Variants in NFIL3 observed in about 807,000 individuals in gnomAD.
NFIL3 encodes the protein nuclear factor, interleukin 3 regulated, also known as nuclear factor interleukin-3-regulated protein.
In NFIL3, 5 loss-of-function variants were observed where a neutral mutation model predicts 10.0. The ratio of observed to expected loss-of-function variants is 0.50; its 90% CI spans 0.26 to 1.06. The LOEUF (loss-of-function observed/expected upper bound fraction) is 1.06. NFIL3 is among the 50% of genes least tolerant of loss of function. The pLI is 0.13. For missense variants in NFIL3, 436 were observed against 547.6 expected (o/e 0.80, Z 2.03); for synonymous variants, 202 against 206.5 (o/e 0.98, Z 0.19).
chr9:91,456,791 C>T, the NFIL3 span, among the ~76,000 whole-genome samples: 34 of 152,032 alleles, frequency 2.2e-4, no homozygotes, highest in Non-Finnish European at 3.7e-4. Context: ...ACAAGGTTTT[C>T]TCCTCTACTT....
At chr9:91,461,625 G>T in the NFIL3 span, among the ~76,000 whole-genome samples, 1 of 152,126 alleles carries the variant, frequency 6.6e-6, no homozygotes, top group Admixed American at 6.6e-5. Flanking sequence ...GGCTTTCTTG[G>T]CTTATGGCCG....
chr9:91,459,253 T>A, the NFIL3 span, among the ~76,000 whole-genome samples: 4 of 152,034 alleles, frequency 2.6e-5, no homozygotes, highest in South Asian at 8.3e-4. Flanking sequence ...GCTCCCTTAA[T>A]TGAGTATGCC....
chr9:91,478,267 C>G, the NFIL3 span, among the ~76,000 whole-genome samples: 132 of 152,190 alleles, frequency 8.7e-4, no homozygotes, highest in African/African-American at 3.0e-3. Context: ...TCCATTCTCC[C>G]CGTCACTTTT....
intron 1 of NFIL3, among the ~76,000 whole-genome samples, chr9:91,412,740 A>T (rs1364347969): frequency 1.1e-4 from 17 of 151,506 alleles, no homozygotes; most frequent in Admixed American, 1.1e-3. Flanking sequence ...GCTACTCGGG[A>T]GGCTGAGGCA....
chr9:91,455,251 A>G, the NFIL3 span, among the ~76,000 whole-genome samples: 1 of 152,170 alleles, frequency 6.6e-6, no homozygotes, highest in Non-Finnish European at 1.5e-5. Flanking sequence ...TTGCTCACCA[A>G]TTTTAGCACC....
chr9:91,471,933 T>C, the NFIL3 span, among the ~76,000 whole-genome samples: 1 of 152,224 alleles, frequency 6.6e-6, no homozygotes, highest in Admixed American at 6.5e-5. Context: ...TGCTTGTCTG[T>C]AACAGATTTT....
the NFIL3 span, among the ~76,000 whole-genome samples, chr9:91,448,317 T>C: frequency 6.6e-6 from 1 of 152,310 alleles, no homozygotes; most frequent in Non-Finnish European, 1.5e-5. Flanking sequence ...CAGTTACATT[T>C]GATGAGGACT....
rs1365396878 is a variant in NFIL3, at chr9:91,410,030, G to A, written c.705C>T (p.Asp235=). The change falls in exon 2 of 2, where the codon GAC becomes GAT. Residue 235 remains aspartate (D), a synonymous_variant. Coordinates refer to ENST00000297689, the MANE Select transcript of NFIL3 (RefSeq NM_005384.3). This position sits in a 1 kb window ranked among gnomAD's most constrained non-coding sequence, Gnocchi z 5.7. ...LESYTREPRD[D]RGSYTASIYQ... is the part of the protein sequence containing the mutation. Reference sequence around the variant, plus strand: ...AGATGGACGCTGTGTAAGAGCCTCGGTCATCTCTTGGCTCCCTTGTGTAGC... The same window carrying A: ...AGATGGACGCTGTGTAAGAGCCTCGATCATCTCTTGGCTCCCTTGTGTAGC... 6 of 1,612,712 alleles carry A rather than the reference G, an allele frequency of 3.7e-6. No individual in the cohort carries two copies. In the South Asian group the frequency reaches 5.5e-5, roughly 15 times the overall value.
At chr9:91,465,691 A>G in the NFIL3 span, among the ~76,000 whole-genome samples, 1 of 151,770 alleles carries the variant, frequency 6.6e-6, no homozygotes, top group Non-Finnish European at 1.5e-5. Flanking sequence ...GGAATGCTTG[A>G]CGTGCTATAT....
chr9:91,469,423 G>T, the NFIL3 span, among the ~76,000 whole-genome samples: 3 of 152,070 alleles, frequency 2.0e-5, no homozygotes, highest in African/African-American at 4.8e-5. Flanking sequence ...GCTTAAGGAG[G>T]TTTTGGGCTG....
At chr9:91,427,446 T>C (rs1192310548), upstream of NFIL3, among the ~76,000 whole-genome samples, 1 of 152,124 alleles carries the variant, frequency 6.6e-6, no homozygotes, top group Admixed American at 6.5e-5. Context: ...CTTCGATAAC[T>C]AAAAGCCCTT....
upstream of NFIL3, among the ~76,000 whole-genome samples, chr9:91,424,239 C>G (rs1385178795): frequency 6.6e-6 from 1 of 152,084 alleles, no homozygotes; most frequent in Non-Finnish European, 1.5e-5. Context: ...CGCGGTGGCT[C>G]TGCGCTCCCC....
the NFIL3 span, among the ~76,000 whole-genome samples, chr9:91,445,863 A>G: frequency 6.6e-6 from 1 of 152,110 alleles, no homozygotes; most frequent in East Asian, 1.9e-4. Context: ...GCTCAGGGGT[A>G]GGTTGTAGTA....
chr9:91,456,905 C>T, the NFIL3 span, among the ~76,000 whole-genome samples: 7 of 151,892 alleles, frequency 4.6e-5, no homozygotes, highest in African/African-American at 1.7e-4. Flanking sequence ...CTTTTTGGTT[C>T]ACTTTTTTGG....
chr9:91,418,681 C>T (rs1294417329), intron 1 of NFIL3, among the ~76,000 whole-genome samples: 3 of 152,140 alleles, frequency 2.0e-5, no homozygotes, highest in African/African-American at 7.2e-5. Flanking sequence ...TAATAAAAGA[C>T]ATCATGTTCT....
chr9:91,450,096 G>A, the NFIL3 span, among the ~76,000 whole-genome samples: 2 of 151,668 alleles, frequency 1.3e-5, no homozygotes. Context: ...TTTCTCTTTT[G>A]TTCTTTATTA....
rs1483988907 is a variant in NFIL3 at position 91,409,864 on chromosome 9, C to T, written c.871G>A (p.Glu291Lys). Reference protein sequence around the residue: ...VVGKSSDGEDEQQVPKGPIHS... With the variant: ...VVGKSSDGEDKQQVPKGPIHS... ...ATGGGGCCCTTGGGGACCTGTTGCT[C>T]GTCTTCTCCATCAGATGACTTTCCT... Residue 291 changes from glutamate to lysine, a missense_variant, in exon 2 of 2, where the codon GAG (glutamate) becomes AAG (lysine). This residue lies in a region of NFIL3 where 338 missense variants were observed against 399.9 expected (regional missense o/e 0.85). Transcript: ENST00000297689. The T allele has an allele frequency of 1.2e-6, 2 of 1,613,884 alleles. No individual in the cohort carries two copies. The highest frequency in any genetic ancestry group is 1.7e-6 in the Non-Finnish European group (2 of 1,179,994).
At chr9:91,464,843 T>C in the NFIL3 span, among the ~76,000 whole-genome samples, 1 of 152,118 alleles carries the variant, frequency 6.6e-6, no homozygotes, top group African/African-American at 2.4e-5. Flanking sequence ...ACTACTCCAA[T>C]TCTGGCTTGC....
In NFIL3 at chr9:91,423,769, G is replaced by GCGCGGGAGGCGGGCGGGCGCGCCGGGTC. The variant is rs1833820297; in HGVS notation, c.-330_-303dup. On this transcript the variant is annotated 5_prime_UTR_variant, in exon 1 of 2. Coordinates refer to ENST00000297689, the MANE Select transcript of NFIL3 (RefSeq NM_005384.3). ...GGAGGCGGGCGGCGGCGAGGGCGCGGCGCGGGAGGCGGGCGGGCGCGCCGG... is the reference window on the plus strand; with the variant it reads ...GGAGGCGGGCGGCGGCGAGGGCGCGGCGCGGGAGGCGGGCGGGCGCGCCGGGTCCGCGGGAGGCGGGCGGGCGCGCCGG... The GCGCGGGAGGCGGGCGGGCGCGCCGGGTC allele has an allele frequency of 5.5e-5, 8 of 145,504 alleles. No individual in the cohort carries two copies. Among genetic ancestry groups the GCGCGGGAGGCGGGCGGGCGCGCCGGGTC allele is most frequent in the Admixed American group, 2.7e-4 (4 of 14,686 alleles). 9.0% of individuals were successfully genotyped at this position (145,504 alleles called of 1,614,324 possible). A position where few individuals can be genotyped will look rare whatever the true frequency, so the allele number is the denominator to read the frequency against.
Sources: gnomAD v4.1 joint callset for allele counts (sites outside exome capture counted in the v4.1 genomes callset) on GRCh38, gnomAD v4.1.1 for gene constraint, gnomAD v4.1.1 regional missense constraint, Gnocchi (gnomAD v3.1) non-coding constraint, MANE v1.5 for transcripts, NCBI Gene and HGNC (gene_info 2026-07-23, HGNC 2026-07-21) for gene names.